Variants in GLYR1 observed in about 807,000 individuals in gnomAD.
GLYR1 encodes the protein glyoxylate reductase 1 homolog.
A neutral mutation model predicts 72.7 loss-of-function variants in GLYR1; 21 were observed. The ratio of observed to expected loss-of-function variants is 0.29; its 90% confidence interval spans 0.20 to 0.42. The LOEUF (loss-of-function observed/expected upper bound fraction) is 0.42, where lower values mean the gene tolerates loss of function less well. GLYR1 is among the 10% of genes least tolerant of loss of function. The pLI is 1.00. For synonymous variants in GLYR1, 392 were observed against 270.2 expected, an observed-to-expected ratio of 1.45 and a Z score of -4.42; for missense variants, 594 against 712.1, an observed-to-expected ratio of 0.83 and a Z score of 1.89.
intron 3 of GLYR1, among the ~76,000 whole-genome samples, chr16:4,836,206 T>A (rs1238967220): frequency 6.6e-6 from 1 of 152,190 alleles, no homozygotes; most frequent in Non-Finnish European, 1.5e-5. Context: ...CCACTGGTCC[T>A]CAATAAATAA....
intron 5 of GLYR1, among the ~76,000 whole-genome samples, chr16:4,829,671 T>A (rs1414359412): frequency 6.7e-6 from 1 of 149,266 alleles, no homozygotes; most frequent in African/African-American, 2.5e-5. Flanking sequence ...TTCATTTATA[T>A]TAAATTTTTT....
chr16:4,821,496 G>C, intron 8 of GLYR1, 43 bp from the exon 9 acceptor site: 1 of 1,613,942 alleles, frequency 6.2e-7, no homozygotes, highest in Non-Finnish European at 8.5e-7. Flanking sequence ...TCTGCCTGCA[G>C]TTTAAGGCCC....
intron 5 of GLYR1, among the ~76,000 whole-genome samples, chr16:4,827,865 A>T (rs111618721): frequency 0.11 from 17,143 of 151,864 alleles, 1,243 homozygotes; most frequent in South Asian, 0.25. Context: ...GCGCCACTGC[A>T]CCGCAGCCTG....
intron 3 of GLYR1, among the ~76,000 whole-genome samples, chr16:4,837,563 T>C (rs192466576): frequency 6.6e-6 from 1 of 151,646 alleles, no homozygotes; most frequent in Non-Finnish European, 1.5e-5. Context: ...GCCGTGAAGC[T>C]AAGAGAAAGA....
intron 15 of GLYR1, among the ~76,000 whole-genome samples, chr16:4,809,289 C>G (rs2083189066): frequency 6.8e-6 from 1 of 146,298 alleles, no homozygotes; most frequent in Admixed American, 6.9e-5. Context: ...CTCCCAGGTT[C>G]AAGCAATTCT....
chr16:4,806,057 C>G (rs1354359809), intron 15 of GLYR1, among the ~76,000 whole-genome samples: 1 of 152,158 alleles, frequency 6.6e-6, no homozygotes. Context: ...AGATGAAACA[C>G]CCAGGACACC....
At chr16:4,823,990 G>T in intron 5 of GLYR1, 83 bp from the exon 6 acceptor site, 3 of 1,111,634 alleles carry the variant, frequency 2.7e-6, no homozygotes, top group Non-Finnish European at 4.1e-6. Context: ...CTAAGGGAAA[G>T]TTCAAGCCAA....
intron 3 of GLYR1, among the ~76,000 whole-genome samples, chr16:4,837,950 A>AATAG (rs1258151148): frequency 4.6e-5 from 7 of 150,936 alleles, no homozygotes; most frequent in African/African-American, 1.7e-4. Context: ...TAAATAAATA[A>AATAG]ATAAATAAAT....
chr16:4,822,042 A>G (rs1362000616), intron 7 of GLYR1, among the ~76,000 whole-genome samples: 5 of 152,230 alleles, frequency 3.3e-5, no homozygotes, highest in African/African-American at 4.8e-5. Flanking sequence ...TTTCTGCCCT[A>G]AACTCTAAAG....
intron 5 of GLYR1, among the ~76,000 whole-genome samples, chr16:4,825,626 C>T (rs1040170254): frequency 3.3e-5 from 5 of 151,712 alleles, no homozygotes; most frequent in Non-Finnish European, 4.4e-5. Context: ...TAATTCTTGC[C>T]CCTTCATGAA....
chr16:4,811,777 C>T lies in GLYR1; in HGVS notation c.1308G>A (p.Met436Ile). Residue 436 changes from methionine (M) to isoleucine (I), a missense_variant, in exon 14 of 16, where the codon ATG becomes ATA. Transcript: ENST00000321919. ...FLGEVGNAAK[M>I]MLIVNMVQGS... Reference sequence around the variant, plus strand: ...CTTGGACCATGTTCACGATCAGCATCATCTTGGCTGCATTGCCCACTTCAC... The same window carrying T: ...CTTGGACCATGTTCACGATCAGCATTATCTTGGCTGCATTGCCCACTTCAC... 6.2e-7 allele frequency: 1 copy of T among 1,613,790 alleles called. No individual in the cohort carries two copies. Among genetic ancestry groups the T allele is most frequent in the Non-Finnish European group, 8.5e-7 (1 of 1,179,854 alleles).
intron 15 of GLYR1, among the ~76,000 whole-genome samples, chr16:4,810,643 C>A (rs2083270537): frequency 7.5e-6 from 1 of 133,376 alleles, no homozygotes; most frequent in Non-Finnish European, 1.5e-5. Context: ...GCGGGCAGAT[C>A]ACGAGGTCAG....
chr16:4,822,878 C>T lies in GLYR1; in HGVS notation c.678G>A (p.Glu226=), dbSNP rs758359792. 2 of 1,614,066 alleles carry T rather than the reference C, an allele frequency of 1.2e-6. No individual in the cohort carries two copies. The highest frequency in any genetic ancestry group is 4.5e-5 in the East Asian group (2 of 44,880). The stretch of plus-strand genomic sequence containing the variant: ...AAGAGCCTCAAAGGCAACTCACCTT[C>T]TCTGTTTGGCTTAGCAGGAAATGAT... The part of the protein sequence containing the change: ...HFHHFLLSQT[E]KPAVCYQAIT... The change falls in exon 7 of 16, where the codon GAG becomes GAA. Residue 226 remains glutamate, a synonymous_variant. Transcript: ENST00000321919.
At chr16:4,814,515 A>G (rs745585283) in intron 11 of GLYR1, 22 bp downstream of exon 11, 1 of 1,585,206 alleles carries the variant, frequency 6.3e-7, no homozygotes, top group Non-Finnish European at 8.7e-7. Context: ...GGAGTTGCTG[A>G]GGGGAGGGAG....
intron 5 of GLYR1, 43 bp from the exon 6 acceptor site, chr16:4,823,950 C>G (rs754675823): frequency 5.4e-5 from 80 of 1,475,360 alleles, no homozygotes; most frequent in Non-Finnish European, 7.4e-5. Flanking sequence ...ACATTCAAAC[C>G]CCAACAAAAC....
intron 9 of GLYR1, 91 bp from the exon 10 acceptor site, chr16:4,817,788 C>G (rs1320713221): frequency 3.7e-6 from 3 of 820,128 alleles, no homozygotes; most frequent in Non-Finnish European, 6.3e-6. Context: ...CTCCCTTATA[C>G]AGCTTGGGGT....
intron 5 of GLYR1, among the ~76,000 whole-genome samples, chr16:4,824,495 T>C (rs1194773902): frequency 2.9e-5 from 3 of 102,526 alleles, no homozygotes; most frequent in African/African-American, 7.6e-5. Flanking sequence ...CAAGACTCCA[T>C]CTCAAAAAAA....
intron 1 of GLYR1, chr16:4,846,606 C>T: frequency 3.8e-6 from 1 of 261,916 alleles, no homozygotes; most frequent in South Asian, 4.2e-5. Flanking sequence ...AAACAAGCTA[C>T]GCAGCTCGAG....
rs982716766 is a variant in GLYR1 at position 4,842,789 on chromosome 16, T to C, written c.155+2285A>G. Among the ~76,000 whole-genome samples, 11 of 152,348 alleles carry C rather than the reference T, an allele frequency of 7.2e-5. No individual in the cohort carries two copies. The East Asian group carries it at 1.9e-3, about 27-fold the overall frequency. The stretch of plus-strand genomic sequence containing the variant: ...ATCTCAGCTCACTGCAACCTCCGCA[T>C]CCCAGGTTCAACCAATTCTACTGCC... On this transcript the variant is annotated intron_variant, in intron 3 of 15. Transcript: ENST00000321919.
Sources: allele counts gnomAD v4.1 joint callset (sites outside exome capture counted in the v4.1 genomes callset), GRCh38; gene constraint gnomAD v4.1.1; transcripts MANE v1.5; gene names NCBI Gene and HGNC (gene_info 2026-07-23, HGNC 2026-07-21).